The following CENPF variants were observed in gnomAD, a reference collection of about 807,000 sequenced individuals.
CENPF encodes AH antigen.
Under a neutral mutation model 307.3 loss-of-function variants are expected in CENPF, and 214 were observed. The observed-to-expected ratio is 0.70, with a 90% CI of 0.62 to 0.78. CENPF has a LOEUF of 0.78. CENPF is among the 30% of genes least tolerant of loss of function. CENPF has a pLI of 0.00. For missense variants in CENPF, 3,401 were observed against 3,483.9 expected, an observed-to-expected ratio of 0.98 and a Z score of 0.60; for synonymous variants, 1,259 against 1,270.6, an observed-to-expected ratio of 0.99 and a Z score of 0.19.
intron 1 of CENPF, among the ~76,000 whole-genome samples, chr1:214,609,031 C>G (rs1268568129): frequency 1.3e-5 from 2 of 151,764 alleles, no homozygotes; most frequent in Non-Finnish European, 2.9e-5. Flanking sequence ...AAGCCGAGCC[C>G]CAGGGAGCCT....
At chr1:214,652,319 G>A (rs566015669) in intron 15 of CENPF, among the ~76,000 whole-genome samples, 42 of 150,042 alleles carry the variant, frequency 2.8e-4, no homozygotes, top group Middle Eastern at 3.6e-3. Context: ...ACAGGCGTGA[G>A]CCACTGCGCC....
chr1:214,621,810 G>A (rs969431522), intron 6 of CENPF, among the ~76,000 whole-genome samples: 2 of 152,164 alleles, frequency 1.3e-5, no homozygotes, highest in African/African-American at 2.4e-5. Flanking sequence ...AGAAGATAGC[G>A]TTCCTGATTT....
rs931069226 is a variant in CENPF at position 214,641,759 on chromosome 1, A to G, written c.3421A>G (p.Lys1141Glu). The G allele has an allele frequency of 6.3e-7, 1 of 1,586,178 alleles. No homozygotes were observed. Among genetic ancestry groups the G allele is most frequent in the African/African-American group, 1.4e-5 (1 of 73,190 alleles). The change falls in exon 12 of 20, where the codon AAA (lysine) becomes GAA (glutamate). Residue 1141 changes from lysine to glutamate, a missense_variant. Transcript: ENST00000366955. ...CATGACTTTAAAGGAAGAACAAAAC[A>G]AAATGCAAAAGGAAGTTAATGACTT... ...EIMTLKEEQN[K>E]MQKEVNDLLQ...
chr1:214,647,241 AC>A lies in CENPF; in HGVS notation c.7672del (p.Leu2558Ter). 6.2e-7 allele frequency: 1 copy of A among 1,614,118 alleles called. No individual in the cohort carries two copies. Among genetic ancestry groups the A allele is most frequent in the Non-Finnish European group, 8.5e-7 (1 of 1,179,972 alleles). On this transcript the variant is annotated frameshift_variant, in exon 13 of 20. Transcript: ENST00000366955. LOFTEE classifies it high-confidence loss of function. ...HQLWKEQNLE[L>X]RNLTVELEQK... Reference sequence around the variant, plus strand: ...AACTTTGGAAGGAGCAAAACTTAGAACTGAGAAATCTGACAGTGGAATTGGA... The same window carrying A: ...AACTTTGGAAGGAGCAAAACTTAGAATGAGAAATCTGACAGTGGAATTGGA...
chr1:214,651,621 T>C (rs1434215362), intron 14 of CENPF, 89 bp from the exon 15 acceptor site: 5 of 924,298 alleles, frequency 5.4e-6, no homozygotes, highest in Non-Finnish European at 6.4e-6. Context: ...ATATTTTTTT[T>C]CTACACAGTA....
intron 16 of CENPF, 144 bp downstream of exon 16, chr1:214,653,133 T>G: frequency 2.6e-6 from 2 of 761,818 alleles, no homozygotes; most frequent in Non-Finnish European, 4.6e-6. Context: ...AGTTCTCTGC[T>G]GAGTTATCTT....
intron 15 of CENPF, among the ~76,000 whole-genome samples, chr1:214,652,383 G>A (rs1168619697): frequency 6.6e-6 from 1 of 151,518 alleles, no homozygotes; most frequent in African/African-American, 2.4e-5. Context: ...TAGAATAATA[G>A]GAGAGCTGCA....
chr1:214,639,258 A>C (rs978646008), intron 11 of CENPF, among the ~76,000 whole-genome samples: 2 of 152,228 alleles, frequency 1.3e-5, no homozygotes, highest in African/African-American at 4.8e-5. Context: ...ATTAGGCAGA[A>C]GACAGGGGGT....
At position 214,645,542 on chromosome 1, in the gene CENPF, T is replaced by A. The variant is rs1362853339; in HGVS notation, c.5972T>A (p.Leu1991His). 4.3e-6 allele frequency: 7 copies of A among 1,614,084 alleles called. No individual in the cohort carries two copies. In the East Asian group the frequency reaches 1.3e-4, roughly 31 times the overall value. ...SEKMKEKTQE[L>H]ESHQSECLHC... The stretch of plus-strand genomic sequence containing the variant: ...AAAATGAAGGAGAAAACACAAGAGC[T>A]TGAGTCTCATCAAAGTGAGTGTCTC... The change falls in exon 13 of 20, where the codon CTT becomes CAT. Residue 1991 changes from leucine to histidine, a missense_variant. By Grantham distance (99) the Leu-to-His change is moderately conservative. Transcript: ENST00000366955.
At position 214,640,997 on chromosome 1, in the gene CENPF, A is replaced by G. The variant is rs1291550232; in HGVS notation, c.2659A>G (p.Lys887Glu). 6.3e-7 allele frequency: 1 copy of G among 1,584,420 alleles called. No homozygotes were observed. The highest frequency in any genetic ancestry group is 1.4e-5 in the African/African-American group (1 of 73,194). ...GGCTGAAACAAGTCAGCGCATTAGT[A>G]AGTTACAGGAAGACACTTCTGCTCA... ...FVAETSQRIS[K>E]LQEDTSAHQN... Residue 887 changes from lysine to glutamate, a missense_variant, in exon 12 of 20, where the codon AAG (lysine) becomes GAG (glutamate). Coordinates refer to ENST00000366955, the MANE Select transcript of CENPF (RefSeq NM_016343.4).
At chr1:214,607,146 A>C (rs549843070) in intron 1 of CENPF, among the ~76,000 whole-genome samples, 2 of 152,288 alleles carry the variant, frequency 1.3e-5, no homozygotes, top group East Asian at 3.9e-4. Flanking sequence ...AGCCATGGTC[A>C]GTAGTGTGCT....
chr1:214,655,543 C>T, intron 17 of CENPF, 140 bp downstream of exon 17: 1 of 726,918 alleles, frequency 1.4e-6, no homozygotes. Flanking sequence ...ATCCATTTTC[C>T]AATTTCTGAA....
intron 9 of CENPF, among the ~76,000 whole-genome samples, chr1:214,631,523 G>A (rs1388445297): frequency 1.3e-5 from 2 of 152,010 alleles, no homozygotes; most frequent in African/African-American, 2.4e-5. Flanking sequence ...TTTTTGAGAC[G>A]GAGTCTCCCT....
intron 15 of CENPF, among the ~76,000 whole-genome samples, chr1:214,652,108 G>T (rs535280847): frequency 7.5e-6 from 1 of 134,136 alleles, no homozygotes; most frequent in Non-Finnish European, 1.5e-5. Context: ...TCTCTCTGTC[G>T]CACTGCAAGC....
In CENPF at chr1:214,645,537, A is replaced by G. The variant is rs1658267812; in HGVS notation, c.5967A>G (p.Gln1989=). The stretch of plus-strand genomic sequence containing the variant: ...CTGAAAAAATGAAGGAGAAAACACA[A>G]GAGCTTGAGTCTCATCAAAGTGAGT... ...QLSEKMKEKT[Q]ELESHQSECL... Residue 1989 remains glutamine, a synonymous_variant, in exon 13 of 20, where the codon CAA becomes CAG. Transcript: ENST00000366955. 1 of 1,614,064 alleles carries G rather than the reference A, an allele frequency of 6.2e-7. No individual in the cohort carries two copies. Among genetic ancestry groups the G allele is most frequent in the Non-Finnish European group, 8.5e-7 (1 of 1,180,036 alleles).
At chr1:214,611,781 G>C (rs1220952573) in intron 1 of CENPF, among the ~76,000 whole-genome samples, 1 of 152,202 alleles carries the variant, frequency 6.6e-6, no homozygotes, top group Non-Finnish European at 1.5e-5. Flanking sequence ...ATCTTGGCTT[G>C]GCTGTTGTCA....
In CENPF at chr1:214,645,423, A is replaced by G. The variant is rs753058863; in HGVS notation, c.5853A>G (p.Glu1951=). 1 of 1,614,190 alleles carries G rather than the reference A, an allele frequency of 6.2e-7. No homozygotes were observed. The change falls in exon 13 of 20, where the codon GAA becomes GAG. Residue 1951 remains glutamate (E), a synonymous_variant. Coordinates refer to ENST00000366955, the MANE Select transcript of CENPF (RefSeq NM_016343.4). ...AGAAGGTTATTGTCTGCCTTGAAGA[A>G]GAACTCTCAGTGGTCACAAGTGAGA... The part of the protein sequence containing the change: ...NKQKVIVCLE[E]ELSVVTSERN...
At chr1:214,627,802 T>A (rs1657696577) in intron 7 of CENPF, among the ~76,000 whole-genome samples, 1 of 152,254 alleles carries the variant, frequency 6.6e-6, no homozygotes, top group Non-Finnish European at 1.5e-5. Flanking sequence ...TAGTATGTCC[T>A]TGTCAAATGT....
chr1:214,641,289 C>T lies in CENPF; in HGVS notation c.2951C>T (p.Ala984Val), dbSNP rs1008387713. The change falls in exon 12 of 20, where the codon GCA (alanine) becomes GTA (valine). Residue 984 changes from alanine (A) to valine (V), a missense_variant. Physicochemically the swap from Ala to Val is moderately conservative, Grantham distance 64. Transcript: ENST00000366955. ...AATGGGACTCTTAAGGAAATTAATG[C>T]ATCCTTAAATCAAGAGAAGATGAAC... ...QENGTLKEIN[A>V]SLNQEKMNLI... 4 of 1,605,992 alleles carry T rather than the reference C, an allele frequency of 2.5e-6. No homozygotes were observed. In the African/African-American group the frequency reaches 4.0e-5, roughly 16 times the overall value.
Sources: gnomAD v4.1 joint callset for allele counts (sites outside exome capture counted in the v4.1 genomes callset) on GRCh38, gnomAD v4.1.1 for gene constraint, MANE v1.5 for transcripts, NCBI Gene and HGNC (gene_info 2026-07-23, HGNC 2026-07-21) for gene names.